SORCS2: variants seen among roughly 807,000 people sequenced by gnomAD.
SORCS2 encodes VPS10 domain-containing receptor SorCS2.
SORCS2 carries 100 observed loss-of-function variants against 141.6 expected under a neutral mutation model. The observed-to-expected ratio is 0.71, with a 90% CI of 0.60 to 0.83. The LOEUF (loss-of-function observed/expected upper bound fraction) is 0.83, where lower values mean the gene tolerates loss of function less well. Among genes scored for constraint, SORCS2 ranks in the 40% least tolerant of loss-of-function variants. The pLI is 0.00. For synonymous variants in SORCS2, 789 were observed against 676.9 expected (o/e 1.17, Z -2.57); for missense variants, 1,646 against 1,560.2 (o/e 1.05, Z -0.93).
intron 4 of SORCS2, among the ~76,000 whole-genome samples, chr4:7,640,979 G>A (rs1720694062): frequency 6.6e-6 from 1 of 152,174 alleles, no homozygotes; most frequent in East Asian, 1.9e-4. Context: ...GAGAAGGGTG[G>A]ATCTGTCTAC....
In SORCS2 at chr4:7,357,717, G is replaced by A. The variant is rs569521641; in HGVS notation, c.481-38571G>A. Among the ~76,000 whole-genome samples, 6 of 152,256 alleles carry A rather than the reference G, an allele frequency of 3.9e-5. No homozygotes were observed. The South Asian group carries it at 1.2e-3, about 32-fold the overall frequency. The stretch of plus-strand genomic sequence containing the variant: ...GAGAGGAGAGATTTCATTTTGGTGT[G>A]ATGCCTGCCATACACTCACCCACTC... On this transcript the variant is annotated intron_variant, in intron 1 of 26. Transcript: ENST00000507866.
chr4:7,651,288 C>T (rs762604031), intron 4 of SORCS2, among the ~76,000 whole-genome samples: 28 of 152,196 alleles, frequency 1.8e-4, no homozygotes, highest in South Asian at 1.0e-3. Context: ...TGAATCATCC[C>T]GACCTTCTGA....
intron 8 of SORCS2, among the ~76,000 whole-genome samples, chr4:7,673,775 G>A (rs186603625): frequency 2.0e-5 from 3 of 152,100 alleles, no homozygotes; most frequent in South Asian, 4.1e-4. Context: ...TGCTGCAATC[G>A]CTGTAAATAC....
At chr4:7,724,618 A>ATGGT (rs1359708903) in intron 19 of SORCS2, among the ~76,000 whole-genome samples, 2 of 59,674 alleles carry the variant, frequency 3.4e-5, no homozygotes, top group Non-Finnish European at 6.4e-5. Context: ...AGTGCTGGTG[A>ATGGT]GGATGGTGAT....
intron 1 of SORCS2, among the ~76,000 whole-genome samples, chr4:7,195,214 T>A (rs1172661317): frequency 7.4e-6 from 1 of 135,392 alleles, no homozygotes; most frequent in African/African-American, 2.8e-5. Context: ...GGGAGGATTG[T>A]GGGTGGGGGC....
intron 3 of SORCS2, among the ~76,000 whole-genome samples, chr4:7,583,571 T>G (rs561017652): frequency 1.3e-5 from 2 of 152,268 alleles, no homozygotes; most frequent in East Asian, 3.9e-4. Context: ...ATGGGGGCAG[T>G]TTCCCCCATA....
At chr4:7,234,900 G>A (rs1712154375) in intron 1 of SORCS2, among the ~76,000 whole-genome samples, 1 of 152,272 alleles carries the variant, frequency 6.6e-6, no homozygotes, top group African/African-American at 2.4e-5. Flanking sequence ...GCAGTGCTGG[G>A]GCCAGGAGGC....
chr4:7,217,023 G>A (rs7699292), intron 1 of SORCS2, among the ~76,000 whole-genome samples: 41,403 of 151,848 alleles, frequency 0.27, 6,244 homozygotes, highest in East Asian at 0.45. Flanking sequence ...TCCTCCGACC[G>A]CACTACAGCT....
At chr4:7,541,055 A>G (rs989702243) in intron 3 of SORCS2, among the ~76,000 whole-genome samples, 4 of 152,200 alleles carry the variant, frequency 2.6e-5, no homozygotes, top group Admixed American at 2.0e-4. Flanking sequence ...TGGACCTGCC[A>G]TCTGTCATGA....
chr4:7,214,581 G>T (rs7680735), intron 1 of SORCS2, among the ~76,000 whole-genome samples: 1 of 152,088 alleles, frequency 6.6e-6, no homozygotes, highest in Non-Finnish European at 1.5e-5. Context: ...CACTGACTGC[G>T]TGCAGGAAGG....
chr4:7,341,151 G>A (rs1222285106), intron 1 of SORCS2, among the ~76,000 whole-genome samples: 5 of 152,266 alleles, frequency 3.3e-5, no homozygotes, highest in Admixed American at 2.0e-4. Flanking sequence ...CTGGCCCGAG[G>A]TCTGCGTGCA....
intron 2 of SORCS2, among the ~76,000 whole-genome samples, chr4:7,492,694 G>A (rs752072350): frequency 6.6e-6 from 1 of 152,216 alleles, no homozygotes; most frequent in African/African-American, 2.4e-5. Context: ...CTTGGAGACT[G>A]GCTGCTGACA....
chr4:7,334,221 C>T (rs16840065), intron 1 of SORCS2, among the ~76,000 whole-genome samples: 20,080 of 152,128 alleles, frequency 0.13, 1,783 homozygotes, highest in East Asian at 0.41. Context: ...GTGAGGCTCT[C>T]CCCAAACTTT....
chr4:7,527,046 G>T (rs1213894275), intron 2 of SORCS2, among the ~76,000 whole-genome samples: 1 of 152,334 alleles, frequency 6.6e-6, no homozygotes, highest in African/African-American at 2.4e-5. Flanking sequence ...AGGCGGCCCT[G>T]CGGGTCAGTG....
At chr4:7,504,373 C>T (rs1042983527) in intron 2 of SORCS2, among the ~76,000 whole-genome samples, 16 of 152,194 alleles carry the variant, frequency 1.1e-4, no homozygotes, top group African/African-American at 3.4e-4. Flanking sequence ...CTTTGTAGAG[C>T]CCGAGAGTGG....
In SORCS2 at chr4:7,624,836, C is replaced by T. The variant is rs16840743; in HGVS notation, c.649-13492C>T. Among the ~76,000 whole-genome samples, 604 of 152,326 alleles carry T rather than the reference C, an allele frequency of 4.0e-3. 4 individuals are homozygous for T. Among genetic ancestry groups the T allele is most frequent in the African/African-American group, 0.013 (541 of 41,566 alleles). On this transcript the variant is annotated intron_variant, in intron 3 of 26. Coordinates refer to ENST00000507866, the MANE Select transcript of SORCS2 (RefSeq NM_020777.3). ...TGTCCTCAGACAGGCAAACAAAACA[C>T]GATTAAACCGTATTCACTCTAGAGC...
chr4:7,207,209 C>T (rs1315697390), intron 1 of SORCS2, among the ~76,000 whole-genome samples: 2 of 152,202 alleles, frequency 1.3e-5, no homozygotes, highest in Non-Finnish European at 2.9e-5. Flanking sequence ...TGTGGGGCCT[C>T]GCTTTTCATT....
chr4:7,679,349 T>C (rs1032001001), intron 9 of SORCS2, among the ~76,000 whole-genome samples: 3 of 152,210 alleles, frequency 2.0e-5, no homozygotes, highest in Admixed American at 6.5e-5. Context: ...ATGGGCTGAA[T>C]GGTGGCCCCG....
chr4:7,515,713 G>A (rs1327814049), intron 2 of SORCS2, among the ~76,000 whole-genome samples: 1 of 152,240 alleles, frequency 6.6e-6, no homozygotes, highest in Non-Finnish European at 1.5e-5. Context: ...CATGCAAGGT[G>A]GGGGTGGGGC....
Sources: allele counts gnomAD v4.1 joint callset (sites outside exome capture counted in the v4.1 genomes callset), GRCh38; gene constraint gnomAD v4.1.1; transcripts MANE v1.5; gene names NCBI Gene and HGNC (gene_info 2026-07-23, HGNC 2026-07-21).